Variants in CYB5R4 observed in about 807,000 individuals in gnomAD.
The protein encoded by CYB5R4 is N-terminal cytochrome b5 and cytochrome b5 oxidoreductase domain-containing protein.
A neutral mutation model predicts 70.2 loss-of-function variants in CYB5R4; 55 were observed. The observed-to-expected ratio is 0.78, with a 90% CI of 0.63 to 0.98. The LOEUF (loss-of-function observed/expected upper bound fraction) is 0.98, where lower values mean the gene tolerates loss of function less well. Ranked by LOEUF, CYB5R4 falls within the 50% of genes least tolerant of loss-of-function variation. The probability of loss-of-function intolerance (pLI) is 0.00; values close to 1 mark genes in which losing one functional copy is unlikely to be tolerated. For missense variants in CYB5R4, 562 were observed against 612.6 expected, an observed-to-expected ratio of 0.92 and a Z score of 0.87; for synonymous variants, 197 against 199.5, an observed-to-expected ratio of 0.99 and a Z score of 0.11.
At chr6:83,919,608 A>G (rs979659400) in intron 7 of CYB5R4, among the ~76,000 whole-genome samples, 154 bp downstream of exon 7, 1 of 152,214 alleles carries the variant, frequency 6.6e-6, no homozygotes, top group African/African-American at 2.4e-5. Flanking sequence ...AAGAGGAAAC[A>G]AAGAAAAGAT....
At chr6:83,917,703 C>T (rs568197883) in intron 5 of CYB5R4, among the ~76,000 whole-genome samples, 2 of 152,220 alleles carry the variant, frequency 1.3e-5, no homozygotes, top group South Asian at 4.1e-4. Context: ...TATCATTCTA[C>T]TTATATAAAG....
intron 3 of CYB5R4, among the ~76,000 whole-genome samples, chr6:83,896,437 C>T (rs2099461904): frequency 6.6e-6 from 1 of 152,146 alleles, no homozygotes; most frequent in Non-Finnish European, 1.5e-5. Context: ...TTGCACCCTT[C>T]CCTGCCTCTG....
chr6:83,961,718 T>G lies in CYB5R4; in HGVS notation c.*1840T>G, dbSNP rs952373989. On this transcript the variant is annotated 3_prime_UTR_variant, in exon 16 of 16. Transcript: ENST00000369681. ...ATAAAAAGAGACTATTTACCACTTTTTTTTAGTTCATTTGCGATGTATCAA... is the reference window on the plus strand; with the variant it reads ...ATAAAAAGAGACTATTTACCACTTTGTTTTAGTTCATTTGCGATGTATCAA... The G allele has an allele frequency of 6.6e-6, 1 of 152,130 alleles. No individual in the cohort carries two copies. Among genetic ancestry groups the G allele is most frequent in the Non-Finnish European group, 1.5e-5 (1 of 68,012 alleles). The allele number at this position is 152,130 out of a possible 1,614,324, so 9.4% of individuals were successfully genotyped here.
intron 2 of CYB5R4, among the ~76,000 whole-genome samples, chr6:83,879,147 A>G (rs1356661386): frequency 1.3e-5 from 2 of 151,298 alleles, no homozygotes; most frequent in Admixed American, 6.7e-5. Context: ...GTACTTCCCC[A>G]AGGGCAGATA....
intron 10 of CYB5R4, among the ~76,000 whole-genome samples, chr6:83,932,295 G>A (rs1373751647): frequency 6.6e-6 from 1 of 152,176 alleles, no homozygotes; most frequent in Admixed American, 6.5e-5. Context: ...CAAGAATGCT[G>A]TGTCAACTCT....
intron 5 of CYB5R4, among the ~76,000 whole-genome samples, chr6:83,915,124 A>T (rs1025699546): frequency 6.6e-6 from 1 of 152,148 alleles, no homozygotes; most frequent in Non-Finnish European, 1.5e-5. Flanking sequence ...TTTTAAGCTG[A>T]GTGGTGCATC....
At chr6:83,959,064 C>T (rs1253740784) in intron 15 of CYB5R4, among the ~76,000 whole-genome samples, 3 of 151,996 alleles carry the variant, frequency 2.0e-5, no homozygotes, top group South Asian at 2.1e-4. Context: ...TTTATTCTCC[C>T]TTTGTTATAT....
intron 14 of CYB5R4, among the ~76,000 whole-genome samples, chr6:83,951,210 G>T (rs1228919341): frequency 6.6e-6 from 1 of 152,116 alleles, no homozygotes; most frequent in African/African-American, 2.4e-5. Context: ...TCTGTTATTT[G>T]ACATAGTGAC....
chr6:83,873,344 A>C (rs1451827515), intron 2 of CYB5R4, among the ~76,000 whole-genome samples: 1 of 144,838 alleles, frequency 6.9e-6, no homozygotes, highest in Non-Finnish European at 1.5e-5. Context: ...GGTTCAAGTG[A>C]TTCTCGTGCC....
Position 83,933,900 on chromosome 6 carries a change from A to T in CYB5R4, c.815-695A>T, listed in dbSNP as rs991293870. Among the ~76,000 whole-genome samples, 6 of 152,330 alleles carry T rather than the reference A, an allele frequency of 3.9e-5. No individual in the cohort carries two copies. The South Asian group carries it at 1.2e-3, about 32-fold the overall frequency. ...TTCAGATACCAAAACCTACACCTTTAAGCATAAATGTTTTTGTTTTAATCA... is the reference window on the plus strand; with the variant it reads ...TTCAGATACCAAAACCTACACCTTTTAGCATAAATGTTTTTGTTTTAATCA... On this transcript the variant is annotated intron_variant, in intron 10 of 15. Coordinates refer to ENST00000369681, the MANE Select transcript of CYB5R4 (RefSeq NM_016230.4).
chr6:83,964,220 G>C lies in CYB5R4; in HGVS notation c.*4342G>C, dbSNP rs1308151662. On this transcript the variant is annotated 3_prime_UTR_variant, in exon 16 of 16. Coordinates refer to ENST00000369681, the MANE Select transcript of CYB5R4 (RefSeq NM_016230.4). ...AACAGGCAGAGATTGGAACAGTTTG[G>C]AGGGCTCAGAAGAAGACAGGAAAAT... The C allele has an allele frequency of 6.5e-6, 1 of 154,426 alleles. No homozygotes were observed. Among genetic ancestry groups the C allele is most frequent in the African/African-American group, 2.4e-5 (1 of 41,472 alleles). The allele number at this position is 154,426 out of a possible 1,614,324, so 9.6% of individuals were successfully genotyped here.
At chr6:83,922,535 A>T in intron 9 of CYB5R4, 65 bp downstream of exon 9, 2 of 1,151,604 alleles carry the variant, frequency 1.7e-6, no homozygotes, top group South Asian at 2.7e-5. Flanking sequence ...AGAGAGAGAG[A>T]TACGAAAAAA....
At chr6:83,867,675 A>G (rs978948399) in intron 2 of CYB5R4, among the ~76,000 whole-genome samples, 3 of 152,246 alleles carry the variant, frequency 2.0e-5, no homozygotes, top group Admixed American at 2.0e-4. Flanking sequence ...ATGAAACTAA[A>G]ATTACATGTG....
intron 14 of CYB5R4, among the ~76,000 whole-genome samples, chr6:83,942,851 GT>G (rs1425270138): frequency 3.9e-5 from 6 of 152,274 alleles, no homozygotes; most frequent in Non-Finnish European, 5.9e-5. Flanking sequence ...CCACTGGGAA[GT>G]TCGGACTAAG....
intron 1 of CYB5R4, among the ~76,000 whole-genome samples, chr6:83,863,916 T>C (rs147435574): frequency 1.3e-5 from 2 of 152,274 alleles, no homozygotes; most frequent in East Asian, 3.9e-4. Context: ...GATTTTGGTA[T>C]AGGGTAGGGG....
At chr6:83,955,907 G>C (rs112516477) in intron 15 of CYB5R4, among the ~76,000 whole-genome samples, 1 of 152,112 alleles carries the variant, frequency 6.6e-6, no homozygotes, top group Non-Finnish European at 1.5e-5. Flanking sequence ...AAGACAAAAA[G>C]GGAAGACTAG....
intron 3 of CYB5R4, 45 bp downstream of exon 3, chr6:83,893,667 C>G (rs1364649331): frequency 8.9e-7 from 1 of 1,121,950 alleles, no homozygotes; most frequent in Middle Eastern, 2.0e-4. Context: ...TGGAAGAGTA[C>G]TCAGATTTAT....
In CYB5R4 at chr6:83,923,908, A is replaced by T. The variant is rs61763832; in HGVS notation, c.692-562A>T. On this transcript the variant is annotated intron_variant, in intron 9 of 15. Coordinates refer to ENST00000369681, the MANE Select transcript of CYB5R4 (RefSeq NM_016230.4). ...GTGAAACCCCATCTCTACTAAAAAT[A>T]AAAAAAAAAAAATTAGCCGGGCGTG... Among the ~76,000 whole-genome samples, 686 of 141,266 alleles carry T rather than the reference A, an allele frequency of 4.9e-3. 10 individuals carry two copies. Among genetic ancestry groups the T allele is most frequent in the African/African-American group, 0.017 (649 of 38,778 alleles). The allele number at this position is 141,266 out of a possible 152,430, so 92.7% of individuals were successfully genotyped here. A position where few individuals can be genotyped will look rare whatever the true frequency, so the allele number is the denominator to read the frequency against.
chr6:83,955,150 C>T, intron 14 of CYB5R4, 148 bp from the exon 15 acceptor site: 1 of 595,984 alleles, frequency 1.7e-6, no homozygotes, highest in Non-Finnish European at 2.7e-6. Flanking sequence ...TTAAATCTTA[C>T]AATTTTTTTC....
Sources: allele counts gnomAD v4.1 joint callset (sites outside exome capture counted in the v4.1 genomes callset), GRCh38; gene constraint gnomAD v4.1.1; transcripts MANE v1.5; gene names NCBI Gene and HGNC (gene_info 2026-07-23, HGNC 2026-07-21).